COX10: variants seen among roughly 807,000 people sequenced by gnomAD.
COX10 encodes the protein protoheme IX farnesyltransferase, mitochondrial.
In COX10, 27 loss-of-function variants were observed where a neutral mutation model predicts 37.3. The ratio of observed to expected loss-of-function variants is 0.72; its 90% confidence interval spans 0.53 to 1.00. COX10 has a LOEUF of 1.00. Ranked by LOEUF, COX10 falls within the 50% of genes least tolerant of loss-of-function variation. The pLI is 0.00. For missense variants in COX10, 475 were observed against 563.2 expected, an observed-to-expected ratio of 0.84 and a Z score of 1.59; for synonymous variants, 222 against 229.1, an observed-to-expected ratio of 0.97 and a Z score of 0.28.
chr17:14,085,280 A>T (rs188647710), intron 3 of COX10, among the ~76,000 whole-genome samples: 1 of 152,094 alleles, frequency 6.6e-6, no homozygotes, highest in African/African-American at 2.4e-5. Context: ...GATAGTTTCT[A>T]TTTTGTTTTA....
At chr17:14,109,814 C>G (rs1915974180) in intron 4 of COX10, among the ~76,000 whole-genome samples, 1 of 152,110 alleles carries the variant, frequency 6.6e-6, no homozygotes, top group Non-Finnish European at 1.5e-5. Flanking sequence ...GTATCTACCT[C>G]TAACGACATC....
At chr17:14,082,866 G>A (rs987623790) in intron 3 of COX10, among the ~76,000 whole-genome samples, 2 of 152,296 alleles carry the variant, frequency 1.3e-5, no homozygotes, top group South Asian at 2.1e-4. Context: ...CTGCATGTTT[G>A]ATGAGGACAC....
chr17:14,172,538 A>G (rs948475166), intron 5 of COX10, among the ~76,000 whole-genome samples: 4 of 143,310 alleles, frequency 2.8e-5, no homozygotes, highest in Non-Finnish European at 6.1e-5. Context: ...ATTTTCTCGT[A>G]TACCTTTTGG....
intron 4 of COX10, among the ~76,000 whole-genome samples, chr17:14,124,906 A>G (rs1916302121): frequency 6.6e-6 from 1 of 152,196 alleles, no homozygotes; most frequent in Non-Finnish European, 1.5e-5. Context: ...ATGTGCTCCA[A>G]TTTTAGAAAT....
At chr17:14,099,185 C>G (rs190428176) in intron 3 of COX10, among the ~76,000 whole-genome samples, 1 of 152,044 alleles carries the variant, frequency 6.6e-6, no homozygotes, top group African/African-American at 2.4e-5. Flanking sequence ...GGTAAATCTT[C>G]CCCCAGGAGA....
At chr17:14,203,743 G>T (rs962044635) in intron 6 of COX10, among the ~76,000 whole-genome samples, 1 of 152,190 alleles carries the variant, frequency 6.6e-6, no homozygotes, top group South Asian at 2.1e-4. Context: ...TATGTAAAGT[G>T]CTCTGTCTCC....
chr17:14,199,811 T>TGATCTGTTTCACAA (rs1906492608), intron 6 of COX10, among the ~76,000 whole-genome samples: 1 of 152,192 alleles, frequency 6.6e-6, no homozygotes, highest in African/African-American at 2.4e-5. Flanking sequence ...TTTCACAAGC[T>TGATCTGTTTCACAA]CCTTTGTGTT....
intron 6 of COX10, among the ~76,000 whole-genome samples, chr17:14,202,462 T>A (rs1906572593): frequency 6.6e-6 from 1 of 152,102 alleles, no homozygotes; most frequent in Non-Finnish European, 1.5e-5. Context: ...GCTAATATCT[T>A]GTGCCAGTAG....
rs985522372 is a variant in COX10 at position 14,099,754 on chromosome 17, G to A, written c.500-2364G>A. ...GGCATGGCCTCTAGGCAACTCCAGA[G>A]CTTCATGCCTCTCCAGTCTCTCAAG... On this transcript the variant is annotated intron_variant, in intron 3 of 6. Coordinates refer to ENST00000261643, the MANE Select transcript of COX10 (RefSeq NM_001303.4). Among the ~76,000 whole-genome samples the A allele has an allele frequency of 2.0e-5, 3 of 151,882 alleles. No individual in the cohort carries two copies. In the East Asian group the frequency reaches 5.8e-4, roughly 29 times the overall value.
intron 5 of COX10, among the ~76,000 whole-genome samples, chr17:14,161,443 C>G (rs1905168873): frequency 6.6e-6 from 1 of 152,132 alleles, no homozygotes; most frequent in South Asian, 2.1e-4. Context: ...GCCAGGTTAA[C>G]AAGGGGTGAA....
chr17:14,184,402 T>G (rs936883884), intron 5 of COX10, among the ~76,000 whole-genome samples: 6 of 152,180 alleles, frequency 3.9e-5, no homozygotes, highest in Non-Finnish European at 7.4e-5. Context: ...GCACTAATAA[T>G]AAAAAGTATT....
At chr17:14,170,566 A>G (rs1905433319) in intron 5 of COX10, among the ~76,000 whole-genome samples, 1 of 152,162 alleles carries the variant, frequency 6.6e-6, no homozygotes, top group African/African-American at 2.4e-5. Flanking sequence ...TATAATTTCA[A>G]CAATTTGGGA....
At chr17:14,190,218 C>T (rs543336668) in intron 5 of COX10, among the ~76,000 whole-genome samples, 9 of 152,276 alleles carry the variant, frequency 5.9e-5, no homozygotes, top group African/African-American at 1.9e-4. Flanking sequence ...TGGCTAAGCA[C>T]CCGCACTGTT....
At chr17:14,157,381 C>T (rs1567603975) in intron 4 of COX10, among the ~76,000 whole-genome samples, 1 of 152,114 alleles carries the variant, frequency 6.6e-6, no homozygotes, top group Non-Finnish European at 1.5e-5. Flanking sequence ...TTAGGAGAAC[C>T]CCTTTTAAGT....
At chr17:14,181,669 G>A (rs2856155) in intron 5 of COX10, among the ~76,000 whole-genome samples, 7 of 152,174 alleles carry the variant, frequency 4.6e-5, no homozygotes, top group Admixed American at 1.3e-4. Context: ...ATCTGGCTCA[G>A]TCAGGAGAAA....
chr17:14,094,550 TAA>T, intron 3 of COX10, among the ~76,000 whole-genome samples: 1 of 143,194 alleles, frequency 7.0e-6, no homozygotes, highest in East Asian at 2.0e-4. Context: ...TTTGCAAATG[TAA>T]GTTTTGTTTT....
chr17:14,137,209 C>T (rs116390536), intron 4 of COX10, among the ~76,000 whole-genome samples: 3,203 of 151,298 alleles, frequency 0.021, 117 homozygotes, highest in African/African-American at 0.074. Context: ...CCAGTAATTC[C>T]ATTTCTAGAA....
At chr17:14,073,058 G>C (rs886585934) in intron 1 of COX10, among the ~76,000 whole-genome samples, 1 of 152,194 alleles carries the variant, frequency 6.6e-6, no homozygotes, top group Non-Finnish European at 1.5e-5. Context: ...GAAACGTGTG[G>C]TGTTTTCAGT....
At chr17:14,090,133 C>G (rs1345314907) in intron 3 of COX10, among the ~76,000 whole-genome samples, 1 of 151,928 alleles carries the variant, frequency 6.6e-6, no homozygotes, top group African/African-American at 2.4e-5. Context: ...AGATCTCCCT[C>G]TATCTACTAT....
Sources: allele counts gnomAD v4.1 joint callset (sites outside exome capture counted in the v4.1 genomes callset), GRCh38; gene constraint gnomAD v4.1.1; transcripts MANE v1.5; gene names NCBI Gene and HGNC (gene_info 2026-07-23, HGNC 2026-07-21).